The following FSD1L variants were observed in gnomAD, a reference collection of about 807,000 sequenced individuals.
FSD1L encodes fibronectin type III and SPRY domain containing 1 like.
In FSD1L, 45 loss-of-function variants were observed where a neutral mutation model predicts 71.6. The ratio of observed to expected loss-of-function variants is 0.63; its 90% confidence interval spans 0.49 to 0.81. The LOEUF (loss-of-function observed/expected upper bound fraction) is 0.81. Among genes scored for constraint, FSD1L ranks in the 30% least tolerant of loss-of-function variants. The pLI is 0.00. For missense variants in FSD1L, 561 were observed against 618.1 expected (o/e 0.91, Z 0.98); for synonymous variants, 197 against 207.2 (o/e 0.95, Z 0.42).
At position 105,529,541 on chromosome 9, in the gene FSD1L, G is replaced by A. The variant is rs572743177; in HGVS notation, c.1026-4952G>A. On this transcript the variant is annotated intron_variant, in intron 10 of 13. Transcript: ENST00000481272. ...ACAAGAACAGAAAACCAAACGCCACGTGTTCTCACTCATAAGTGGGAGTTG... is the reference window on the plus strand; with the variant it reads ...ACAAGAACAGAAAACCAAACGCCACATGTTCTCACTCATAAGTGGGAGTTG... Among the ~76,000 whole-genome samples the A allele has an allele frequency of 3.3e-5, 5 of 152,150 alleles. No individual in the cohort carries two copies. The South Asian group carries it at 6.2e-4, about 19-fold the overall frequency.
chr9:105,543,975 A>G (rs1836806603), intron 13 of FSD1L, among the ~76,000 whole-genome samples: 1 of 152,190 alleles, frequency 6.6e-6, no homozygotes, highest in Non-Finnish European at 1.5e-5. Flanking sequence ...GTCAAATGGT[A>G]TTTCTAGTTC....
At chr9:105,534,034 A>G (rs1426206903) in intron 10 of FSD1L, among the ~76,000 whole-genome samples, 5 of 152,122 alleles carry the variant, frequency 3.3e-5, no homozygotes, top group African/African-American at 1.2e-4. Context: ...CGCCATTTCT[A>G]TTTTTAAGAA....
At chr9:105,528,422 T>C (rs1437224868) in intron 10 of FSD1L, among the ~76,000 whole-genome samples, 2 of 152,096 alleles carry the variant, frequency 1.3e-5, no homozygotes, top group Non-Finnish European at 2.9e-5. Context: ...ATGGCACTGG[T>C]ACCAAAACAG....
At chr9:105,512,047 A>G (rs1320473867) in intron 9 of FSD1L, among the ~76,000 whole-genome samples, 1 of 152,098 alleles carries the variant, frequency 6.6e-6, no homozygotes, top group African/African-American at 2.4e-5. Context: ...TTAGCCATGA[A>G]TCAGTACATT....
At chr9:105,465,342 T>C in intron 3 of FSD1L, among the ~76,000 whole-genome samples, 1 of 152,168 alleles carries the variant, frequency 6.6e-6, no homozygotes, top group East Asian at 1.9e-4. Context: ...AGAACTAATA[T>C]CAGTTATTCT....
chr9:105,486,687 T>A (rs1300781414), intron 7 of FSD1L, among the ~76,000 whole-genome samples: 1 of 152,104 alleles, frequency 6.6e-6, no homozygotes, highest in Non-Finnish European at 1.5e-5. Context: ...TCCATCTGAG[T>A]GGAGAGCAAA....
rs555005275 is a variant in FSD1L, at chr9:105,547,729, A to G, written c.*1246A>G. On this transcript the variant is annotated 3_prime_UTR_variant, in exon 14 of 14. Coordinates refer to ENST00000481272, the MANE Select transcript of FSD1L (RefSeq NM_001145313.3). ...CATAACTGTTCTTAAAAAGTCAATT[A>G]TAATTTGTAACTCACATCCTTTGAG... 6.6e-6 allele frequency: 1 copy of G among 152,272 alleles called. No homozygotes were observed. The highest frequency in any genetic ancestry group is 2.1e-4 in the South Asian group (1 of 4,826). 9.4% of individuals were successfully genotyped at this position (152,272 alleles called of 1,614,324 possible). A position where few individuals can be genotyped will look rare whatever the true frequency, so the allele number is the denominator to read the frequency against.
At chr9:105,491,245 G>A (rs1051190370) in intron 7 of FSD1L, among the ~76,000 whole-genome samples, 54 of 151,326 alleles carry the variant, frequency 3.6e-4, no homozygotes, top group Admixed American at 6.6e-4. Flanking sequence ...TGGATTTCTA[G>A]GTATTTTATT....
intron 1 of FSD1L, among the ~76,000 whole-genome samples, chr9:105,450,903 T>G (rs1265375461): frequency 6.6e-6 from 1 of 152,222 alleles, no homozygotes; most frequent in Non-Finnish European, 1.5e-5. Flanking sequence ...CTACTGTTAT[T>G]AATTTAATAA....
intron 13 of FSD1L, among the ~76,000 whole-genome samples, chr9:105,540,686 T>C (rs1836554517): frequency 6.6e-6 from 1 of 152,106 alleles, no homozygotes; most frequent in Non-Finnish European, 1.5e-5. Flanking sequence ...AGTGTCATCT[T>C]TGTACAAAAT....
intron 7 of FSD1L, among the ~76,000 whole-genome samples, chr9:105,506,107 A>G (rs890689614): frequency 6.6e-6 from 1 of 152,192 alleles, no homozygotes; most frequent in East Asian, 1.9e-4. Flanking sequence ...AATTTATTCT[A>G]TTTGTTAATA....
chr9:105,491,180 A>C lies in FSD1L; in HGVS notation c.586+6678A>C, dbSNP rs372660213. 4.7e-3 allele frequency among the ~76,000 whole-genome samples: 706 copies of C among 151,610 alleles called. 3 individuals carry two copies. The highest frequency in any genetic ancestry group is 0.016 in the African/African-American group (654 of 41,114). ...ATTTGTTTGTATCCTCTTTTATTTCATTGAGCAGTGATTTGTAGTTCTCCT... is the reference window on the plus strand; with the variant it reads ...ATTTGTTTGTATCCTCTTTTATTTCCTTGAGCAGTGATTTGTAGTTCTCCT... On this transcript the variant is annotated intron_variant, in intron 7 of 13. Transcript: ENST00000481272.
Position 105,471,708 on chromosome 9 carries a change from A to T in FSD1L, c.340-196A>T, listed in dbSNP as rs551931623. Among the ~76,000 whole-genome samples, 33 of 131,540 alleles carry T rather than the reference A, an allele frequency of 2.5e-4. No individual in the cohort carries two copies. The East Asian group carries it at 3.8e-3, about 15-fold the overall frequency. The allele number at this position is 131,540 out of a possible 152,430, so 86.3% of individuals were successfully genotyped here. A position where few individuals can be genotyped will look rare whatever the true frequency, so the allele number is the denominator to read the frequency against. On this transcript the variant is annotated intron_variant, in intron 4 of 13. Coordinates refer to ENST00000481272, the MANE Select transcript of FSD1L (RefSeq NM_001145313.3). ...AATTAAAATTTGTTATATATATATA[A>T]AAAAAATAACACGTTTTATATATAT...
At chr9:105,506,343 T>G in intron 7 of FSD1L, 56 bp from the exon 8 acceptor site, 1 of 1,235,340 alleles carries the variant, frequency 8.1e-7, no homozygotes, top group Non-Finnish European at 1.1e-6. Context: ...CAATATTTGA[T>G]TAGTGTTGTA....
chr9:105,546,579 T>C lies in FSD1L; in HGVS notation c.*96T>C. 1 of 1,298,642 alleles carries C rather than the reference T, an allele frequency of 7.7e-7. No individual in the cohort carries two copies. 80.4% of individuals were successfully genotyped at this position (1,298,642 alleles called of 1,614,324 possible). On this transcript the variant is annotated 3_prime_UTR_variant, in exon 14 of 14. Transcript: ENST00000481272. ...AATTTGGTAGTAGTGAAAATCAGGT[T>C]TGCTGTGTTCTGCTTTGAGGCCTGG...
chr9:105,526,139 A>G, intron 10 of FSD1L: 1 of 1,568,198 alleles, frequency 6.4e-7, no homozygotes, highest in Non-Finnish European at 8.8e-7. Flanking sequence ...GCTATTGTGA[A>G]TGGAAAGGTT....
At chr9:105,534,978 T>C in intron 11 of FSD1L, 89 bp from the exon 12 acceptor site, 1 of 1,296,292 alleles carries the variant, frequency 7.7e-7, no homozygotes, top group Non-Finnish European at 1.1e-6. Context: ...ATAAAAATTT[T>C]TGTGTCTTTT....
chr9:105,526,247 A>G (rs1835500996), intron 10 of FSD1L: 1 of 1,600,820 alleles, frequency 6.2e-7, no homozygotes, highest in African/African-American at 1.3e-5. Flanking sequence ...AGAGCACGAT[A>G]CCTGCAAACA....
At chr9:105,537,091 T>A (rs971511100) in intron 12 of FSD1L, among the ~76,000 whole-genome samples, 3 of 152,230 alleles carry the variant, frequency 2.0e-5, no homozygotes, top group African/African-American at 4.8e-5. Context: ...TTTGAAAAAA[T>A]TTTAAAGCTC....
Sources: gnomAD v4.1 joint callset for allele counts (sites outside exome capture counted in the v4.1 genomes callset) on GRCh38, gnomAD v4.1.1 for gene constraint, MANE v1.5 for transcripts, NCBI Gene and HGNC (gene_info 2026-07-23, HGNC 2026-07-21) for gene names.